Variants in MACROD2 observed in about 807,000 individuals in gnomAD.
MACROD2 encodes ADP-ribose glycohydrolase MACROD2.
Under a neutral mutation model 70.4 loss-of-function variants are expected in MACROD2, and 36 were observed. The ratio of observed to expected loss-of-function variants is 0.51; its 90% CI spans 0.39 to 0.68. MACROD2 has a LOEUF of 0.68. MACROD2 is among the 30% of genes least tolerant of loss of function. The pLI, the probability that MACROD2 is intolerant of heterozygous loss-of-function variation, is 0.00. For missense variants in MACROD2, 496 were observed against 538.4 expected (o/e 0.92, Z 0.78); for synonymous variants, 172 against 178.8 (o/e 0.96, Z 0.30).
intron 5 of MACROD2, among the ~76,000 whole-genome samples, chr20:14,780,693 C>G (rs1387566685): frequency 1.3e-5 from 2 of 151,858 alleles, no homozygotes; most frequent in African/African-American, 2.4e-5. Flanking sequence ...TACCATGATT[C>G]ATAATTTAAT....
chr20:14,814,577 G>C (rs1238711865), intron 5 of MACROD2, among the ~76,000 whole-genome samples: 1 of 151,932 alleles, frequency 6.6e-6, no homozygotes, highest in Non-Finnish European at 1.5e-5. Context: ...TCAGTAGAGA[G>C]AAATGGGTGC....
chr20:15,623,759 C>T, intron 8 of MACROD2, among the ~76,000 whole-genome samples: 1 of 123,620 alleles, frequency 8.1e-6, no homozygotes, highest in African/African-American at 3.1e-5. Context: ...ATCTATCTGC[C>T]TATCTATCTA....
At chr20:15,518,723 G>A (rs558897934) in intron 8 of MACROD2, among the ~76,000 whole-genome samples, 4 of 152,266 alleles carry the variant, frequency 2.6e-5, no homozygotes, top group South Asian at 2.1e-4. Context: ...TTATGGCCAC[G>A]TGCGGTGGCT....
chr20:14,575,041 A>AATATATATATAT (rs1568678958), intron 4 of MACROD2, among the ~76,000 whole-genome samples: 1 of 23,862 alleles, frequency 4.2e-5, no homozygotes, highest in African/African-American at 7.5e-5. Flanking sequence ...AAAAAAAAAA[A>AATATATATATAT]ATATTCACAA....
intron 4 of MACROD2, among the ~76,000 whole-genome samples, chr20:14,615,737 G>A: frequency 6.6e-6 from 1 of 152,078 alleles, no homozygotes; most frequent in East Asian, 1.9e-4. Flanking sequence ...GGAGACATAG[G>A]TGGGGCAGAG....
chr20:14,074,466 A>C (rs74179731), intron 2 of MACROD2, among the ~76,000 whole-genome samples: 4 of 152,140 alleles, frequency 2.6e-5, no homozygotes, highest in Admixed American at 2.6e-4. Flanking sequence ...ATTGCCCTAC[A>C]TGACAGTTCA....
chr20:14,970,977 G>A (rs919247094), intron 5 of MACROD2, among the ~76,000 whole-genome samples: 1 of 152,140 alleles, frequency 6.6e-6, no homozygotes, highest in African/African-American at 2.4e-5. Context: ...CACTATGAAA[G>A]GAACATGGGA....
chr20:14,361,750 G>A (rs1198664805), intron 3 of MACROD2, among the ~76,000 whole-genome samples: 1 of 152,074 alleles, frequency 6.6e-6, no homozygotes, highest in African/African-American at 2.4e-5. Context: ...AAACCATAAG[G>A]GCTGTGAACA....
intron 5 of MACROD2, among the ~76,000 whole-genome samples, chr20:15,027,697 ACT>A (rs1345724752): frequency 6.9e-6 from 1 of 145,672 alleles, no homozygotes; most frequent in Admixed American, 7.0e-5. Flanking sequence ...CAAGAGTAGG[ACT>A]CTCTAATTAA....
intron 6 of MACROD2, among the ~76,000 whole-genome samples, chr20:15,237,147 A>C (rs1160847736): frequency 6.6e-6 from 1 of 152,180 alleles, no homozygotes; most frequent in Non-Finnish European, 1.5e-5. Flanking sequence ...ATATAAGTGA[A>C]AACCTGTTTA....
Position 14,567,842 on chromosome 20 carries a change from CTTCTAA to C in MACROD2, c.301+74340_301+74345del, listed in dbSNP as rs1192574479. On this transcript the variant is annotated intron_variant, in intron 4 of 17. Transcript: ENST00000684519. ...AAACAAGTTAGAATTATAATCAAAA[CTTCTAA>C]TTCTATCTGTTAAGCTCTTTGTAGA... 5.3e-5 allele frequency among the ~76,000 whole-genome samples: 8 copies of C among 152,168 alleles called. No individual in the cohort carries two copies. The South Asian group carries it at 1.5e-3, about 28-fold the overall frequency.
chr20:14,196,247 C>T (rs988048593), intron 3 of MACROD2, among the ~76,000 whole-genome samples: 2 of 152,152 alleles, frequency 1.3e-5, no homozygotes, highest in Admixed American at 1.3e-4. Context: ...CAATTTGACT[C>T]TCATACCTTC....
intron 7 of MACROD2, among the ~76,000 whole-genome samples, chr20:15,460,010 A>G (rs1392558105): frequency 1.3e-5 from 2 of 152,082 alleles, no homozygotes; most frequent in South Asian, 2.1e-4. Context: ...TTGATTCTAC[A>G]CTTCTAGCTA....
chr20:14,129,063 T>C (rs562861284), intron 3 of MACROD2, among the ~76,000 whole-genome samples: 1 of 152,324 alleles, frequency 6.6e-6, no homozygotes, highest in South Asian at 2.1e-4. Flanking sequence ...CTTTTAAGTT[T>C]TATTATCTAA....
intron 3 of MACROD2, among the ~76,000 whole-genome samples, chr20:14,272,780 A>G (rs1209720534): frequency 1.3e-5 from 2 of 152,202 alleles, no homozygotes; most frequent in African/African-American, 2.4e-5. Context: ...CATAAGCTCA[A>G]AATAAAAGGA....
intron 3 of MACROD2, among the ~76,000 whole-genome samples, chr20:14,375,185 A>G (rs1271690727): frequency 6.6e-6 from 1 of 152,174 alleles, no homozygotes; most frequent in Non-Finnish European, 1.5e-5. Flanking sequence ...AAAATACTCT[A>G]TAGATAAATT....
intron 3 of MACROD2, among the ~76,000 whole-genome samples, chr20:14,404,636 C>G (rs6074728): frequency 6.6e-6 from 1 of 151,908 alleles, no homozygotes; most frequent in Admixed American, 6.6e-5. Flanking sequence ...CCTGAAAAAC[C>G]TTAGTGGAAC....
chr20:15,745,450 C>A (rs1268062803), intron 8 of MACROD2, among the ~76,000 whole-genome samples: 2 of 152,074 alleles, frequency 1.3e-5, no homozygotes, highest in Admixed American at 1.3e-4. Flanking sequence ...GGATGGTCAA[C>A]CTTCTTTTCT....
At chr20:15,937,650 T>A in intron 12 of MACROD2, 106 bp downstream of exon 12, 1 of 958,342 alleles carries the variant, frequency 1.0e-6, no homozygotes. Flanking sequence ...AACTAGGTTT[T>A]CTTAAGTGTC....
Sources: gnomAD v4.1 joint callset for allele counts (sites outside exome capture counted in the v4.1 genomes callset) on GRCh38, gnomAD v4.1.1 for gene constraint, MANE v1.5 for transcripts, NCBI Gene and HGNC (gene_info 2026-07-23, HGNC 2026-07-21) for gene names.